The following STPG2 variants were observed in gnomAD, a reference collection of about 807,000 sequenced individuals.
STPG2 encodes the protein sperm-tail PG-rich repeat-containing protein 2.
A neutral mutation model predicts 54.2 loss-of-function variants in STPG2; 56 were observed. That is an observed-to-expected ratio of 1.03 (90% CI 0.83 to 1.29). The LOEUF is 1.29. Among genes scored for constraint, STPG2 ranks in the 50% most tolerant of loss-of-function variants. The probability of loss-of-function intolerance (pLI) is 0.00; values close to 1 mark genes in which losing one functional copy is unlikely to be tolerated. For synonymous variants in STPG2, 200 were observed against 181.8 expected (o/e 1.10, Z -0.81); for missense variants, 596 against 544.9 (o/e 1.09, Z -0.93).
chr4:97,652,328 A>G (rs530698511), intron 10 of STPG2, among the ~76,000 whole-genome samples: 1 of 151,996 alleles, frequency 6.6e-6, no homozygotes, highest in Non-Finnish European at 1.5e-5. Context: ...CAATGAAACT[A>G]TGGACAATAT....
intron 4 of STPG2, among the ~76,000 whole-genome samples, chr4:97,460,666 C>T (rs952679662): frequency 6.6e-6 from 1 of 152,034 alleles, no homozygotes; most frequent in Admixed American, 6.6e-5. Flanking sequence ...AATGAATTTT[C>T]AAAAAATGAA....
chr4:97,934,574 T>C (rs1266421290), intron 8 of STPG2, among the ~76,000 whole-genome samples: 1 of 152,178 alleles, frequency 6.6e-6, no homozygotes, highest in Non-Finnish European at 1.5e-5. Context: ...ACATGAGGGA[T>C]GTTGAATTTT....
intron 9 of STPG2, among the ~76,000 whole-genome samples, chr4:97,797,227 G>C (rs1727221597): frequency 6.6e-6 from 1 of 152,154 alleles, no homozygotes; most frequent in South Asian, 2.1e-4. Context: ...ACACTATGTT[G>C]AATAGGAGTG....
chr4:97,734,354 T>G (rs1236439656), intron 9 of STPG2, among the ~76,000 whole-genome samples: 1 of 152,208 alleles, frequency 6.6e-6, no homozygotes, highest in Non-Finnish European at 1.5e-5. Context: ...TTACACACAC[T>G]ATTTTGTCAC....
At chr4:97,804,003 G>A (rs369919802) in intron 9 of STPG2, among the ~76,000 whole-genome samples, 10 of 152,094 alleles carry the variant, frequency 6.6e-5, no homozygotes, top group South Asian at 2.1e-4. Context: ...ACAACTATGC[G>A]CCACAGAAGG....
chr4:98,079,925 A>G (rs1738290282), intron 5 of STPG2, among the ~76,000 whole-genome samples: 1 of 152,132 alleles, frequency 6.6e-6, no homozygotes, highest in Admixed American at 6.5e-5. Flanking sequence ...AAAAATGTAT[A>G]TATCTATTAA....
intron 4 of STPG2, among the ~76,000 whole-genome samples, chr4:97,534,236 G>C (rs891048041): frequency 1.3e-5 from 2 of 152,052 alleles, no homozygotes; most frequent in African/African-American, 4.8e-5. Flanking sequence ...ACATGGTCAT[G>C]AGGTATCTGT....
At chr4:97,674,974 A>G (rs553309819) in intron 10 of STPG2, among the ~76,000 whole-genome samples, 1 of 152,236 alleles carries the variant, frequency 6.6e-6, no homozygotes, top group Admixed American at 6.5e-5. Flanking sequence ...CCTCAAATGT[A>G]CCAAGTATAT....
At chr4:97,515,054 C>T (rs1175925240) in intron 4 of STPG2, among the ~76,000 whole-genome samples, 1 of 151,922 alleles carries the variant, frequency 6.6e-6, no homozygotes, top group Non-Finnish European at 1.5e-5. Flanking sequence ...GAATTGATCA[C>T]CCTAAGATGA....
intron 8 of STPG2, among the ~76,000 whole-genome samples, chr4:97,863,977 C>G (rs1173914103): frequency 2.0e-5 from 3 of 152,028 alleles, no homozygotes; most frequent in Admixed American, 6.6e-5. Flanking sequence ...TATGACAAAC[C>G]CACAGCCCAT....
Position 98,128,463 on chromosome 4 carries a change from T to C in STPG2, c.352A>G (p.Ser118Gly), listed in dbSNP as rs771600492. 2.2e-5 allele frequency: 35 copies of C among 1,612,442 alleles called. No homozygotes were observed. Among genetic ancestry groups the C allele is most frequent in the Non-Finnish European group, 2.7e-5 (32 of 1,179,476 alleles). ...IIKCFPPACD[S>G]TLGPAYYKPQ... ...TTGTAGTATGCTGGACCAAGTGTAC[T>C]GTCACAAGCAGGTGGAAAACATTTT... is the stretch of plus-strand genomic sequence containing the variant. The change falls in exon 3 of 11, where the codon AGT becomes GGT. Residue 118 changes from serine to glycine, a missense_variant. Ser to Gly is a moderately conservative substitution (Grantham distance 56, BLOSUM62 0). Transcript: ENST00000295268.
chr4:97,493,643 G>T (rs1730548575), intron 4 of STPG2, among the ~76,000 whole-genome samples: 1 of 151,466 alleles, frequency 6.6e-6, no homozygotes, highest in Non-Finnish European at 1.5e-5. Context: ...ACTTAGTTCT[G>T]GCTAAGATTT....
downstream of STPG2, among the ~76,000 whole-genome samples, chr4:97,554,790 G>C (rs1407912222): frequency 6.6e-6 from 1 of 152,142 alleles, no homozygotes. Context: ...TTGAATAGGT[G>C]TGGTTGCAAA....
At chr4:97,987,081 C>T (rs1306133989) in intron 5 of STPG2, among the ~76,000 whole-genome samples, 1 of 152,102 alleles carries the variant, frequency 6.6e-6, no homozygotes. Flanking sequence ...GAACCACAGC[C>T]ACAGAGTTTT....
At chr4:97,548,433 T>C (rs1218437075) in intron 4 of STPG2, among the ~76,000 whole-genome samples, 2 of 152,176 alleles carry the variant, frequency 1.3e-5, no homozygotes, top group Non-Finnish European at 2.9e-5. Flanking sequence ...TCATTGTCTC[T>C]CCACCAGAAT....
chr4:97,778,585 T>C (rs1726472766), intron 9 of STPG2, among the ~76,000 whole-genome samples: 1 of 152,118 alleles, frequency 6.6e-6, no homozygotes, highest in African/African-American at 2.4e-5. Flanking sequence ...AAGAGAGTAG[T>C]GGTTCTCCCA....
At chr4:97,839,896 T>C (rs1728744817) in intron 9 of STPG2, among the ~76,000 whole-genome samples, 1 of 151,576 alleles carries the variant, frequency 6.6e-6, no homozygotes, top group Non-Finnish European at 1.5e-5. Flanking sequence ...CTCCATATTC[T>C]CATAAAAATT....
chr4:97,944,036 C>T (rs1277944627), intron 7 of STPG2, 29 bp from the exon 8 acceptor site: 1 of 1,440,842 alleles, frequency 6.9e-7, no homozygotes, highest in Middle Eastern at 2.1e-4. Context: ...AAAAAGAGTA[C>T]ATCATTTATT....
At chr4:97,475,734 G>T (rs2148817628) in intron 4 of STPG2, among the ~76,000 whole-genome samples, 1 of 152,052 alleles carries the variant, frequency 6.6e-6, no homozygotes, top group Admixed American at 6.6e-5. Context: ...TTTGACCTTA[G>T]AGCTTTGCAC....
Sources: gnomAD v4.1 joint callset for allele counts (sites outside exome capture counted in the v4.1 genomes callset) on GRCh38, gnomAD v4.1.1 for gene constraint, MANE v1.5 for transcripts, NCBI Gene and HGNC (gene_info 2026-07-23, HGNC 2026-07-21) for gene names.